STRN: variants seen among roughly 807,000 people sequenced by gnomAD.
The protein encoded by STRN is protein phosphatase 2 regulatory subunit B'''alpha.
In STRN, 53 loss-of-function variants were observed where a neutral mutation model predicts 96.3. That is an observed-to-expected ratio of 0.55 (90% CI 0.44 to 0.69). The LOEUF is 0.69. Ranked by LOEUF, STRN falls within the 30% of genes least tolerant of loss-of-function variation. The pLI, the probability that STRN is intolerant of heterozygous loss-of-function variation, is 0.00. For synonymous variants in STRN, 428 were observed against 355.9 expected (o/e 1.20, Z -2.28); for missense variants, 987 against 963.9 (o/e 1.02, Z -0.32).
chr2:36,842,250 C>CA lies in STRN; in HGVS notation c.*7205_*7206insT, dbSNP rs1277666865. 4.6e-5 allele frequency: 7 copies of CA among 152,076 alleles called. No individual in the cohort carries two copies. The highest frequency in any genetic ancestry group is 4.6e-4 in the Admixed American group (7 of 15,254). The allele number at this position is 152,076 out of a possible 1,614,324, so 9.4% of individuals were successfully genotyped here. A position where few individuals can be genotyped will look rare whatever the true frequency, so the allele number is the denominator to read the frequency against. Reference sequence around the variant, plus strand: ...ATTTAATTGTGGATGATGGGTTTCCCTACCATTACCCTTAATTTGATGCTA... The same window carrying CA: ...ATTTAATTGTGGATGATGGGTTTCCCATACCATTACCCTTAATTTGATGCTA... On this transcript the variant is annotated 3_prime_UTR_variant, in exon 18 of 18. Coordinates refer to ENST00000263918, the MANE Select transcript of STRN (RefSeq NM_003162.4).
intron 1 of STRN, among the ~76,000 whole-genome samples, chr2:36,935,421 A>G (rs1392399132): frequency 6.6e-6 from 1 of 152,352 alleles, no homozygotes; most frequent in Non-Finnish European, 1.5e-5. Context: ...CATACTTAAT[A>G]TGTATCACGT....
intron 14 of STRN, among the ~76,000 whole-genome samples, chr2:36,857,168 C>G (rs1212765297): frequency 6.6e-6 from 1 of 151,296 alleles, no homozygotes; most frequent in African/African-American, 2.4e-5. Context: ...CTCTCGTGAT[C>G]CTCCTGCCTC....
chr2:36,884,530 A>T (rs1228040724), intron 8 of STRN, among the ~76,000 whole-genome samples: 1 of 152,162 alleles, frequency 6.6e-6, no homozygotes, highest in Non-Finnish European at 1.5e-5. Context: ...CTAAACTTTG[A>T]TTCTTCATTC....
chr2:36,893,878 G>C lies in STRN; in HGVS notation c.931+20C>G, dbSNP rs747767932. On this transcript the variant is annotated intron_variant, in intron 7 of 17. Coordinates refer to ENST00000263918, the MANE Select transcript of STRN (RefSeq NM_003162.4). ...TTTATTTACTTAACATCTCTGGTTG[G>C]ATCCAGTATGCTTCCTTACCCCAGT... 19 of 1,582,776 alleles carry C rather than the reference G, an allele frequency of 1.2e-5. No homozygotes were observed. Among genetic ancestry groups the C allele is most frequent in the Non-Finnish European group, 1.6e-5 (19 of 1,170,740 alleles).
intron 13 of STRN, 26 bp downstream of exon 13, chr2:36,861,106 C>T: frequency 1.2e-6 from 2 of 1,609,480 alleles, no homozygotes; most frequent in South Asian, 2.2e-5. Context: ...AATTTTATTC[C>T]TTCAGATCTT....
chr2:36,914,070 A>T (rs140560781), intron 3 of STRN, among the ~76,000 whole-genome samples: 206 of 152,152 alleles, frequency 1.4e-3, no homozygotes, highest in African/African-American at 4.6e-3. Flanking sequence ...CTATAACCTA[A>T]CCTCAAACTC....
intron 2 of STRN, among the ~76,000 whole-genome samples, chr2:36,921,025 A>G (rs924492638): frequency 1.5e-4 from 23 of 151,854 alleles, no homozygotes; most frequent in African/African-American, 2.7e-4. Context: ...CAGTGAGCCG[A>G]TATCACACCA....
At chr2:36,949,708 G>T (rs555734962) in intron 1 of STRN, among the ~76,000 whole-genome samples, 2 of 152,296 alleles carry the variant, frequency 1.3e-5, no homozygotes, top group Admixed American at 6.5e-5. Flanking sequence ...TAAACTGGGG[G>T]CTAGATCTGA....
chr2:36,922,221 T>C (rs1670277890), intron 2 of STRN, among the ~76,000 whole-genome samples: 1 of 152,142 alleles, frequency 6.6e-6, no homozygotes, highest in African/African-American at 2.4e-5. Flanking sequence ...GAGGTCATTT[T>C]AGATAAAATT....
chr2:36,895,276 A>C (rs967530066), intron 6 of STRN, among the ~76,000 whole-genome samples: 2 of 151,648 alleles, frequency 1.3e-5, no homozygotes, highest in Admixed American at 6.6e-5. Context: ...GCAGTGAGCC[A>C]AGATCGCGCC....
At chr2:36,893,067 G>GAA (rs918512445) in intron 7 of STRN, among the ~76,000 whole-genome samples, 1 of 142,134 alleles carries the variant, frequency 7.0e-6, no homozygotes, top group Non-Finnish European at 1.5e-5. Flanking sequence ...GACTCGGTAT[G>GAA]AAAAAAAAAA....
intron 2 of STRN, among the ~76,000 whole-genome samples, chr2:36,921,106 T>TC (rs1274862215): frequency 4.0e-5 from 6 of 151,562 alleles, no homozygotes; most frequent in Non-Finnish European, 7.4e-5. Flanking sequence ...TATAAGCAAC[T>TC]CCATCTCTCC....
chr2:36,945,842 A>C (rs1670969231), intron 1 of STRN, among the ~76,000 whole-genome samples: 1 of 152,198 alleles, frequency 6.6e-6, no homozygotes, highest in South Asian at 2.1e-4. Context: ...AACATCTACT[A>C]GTTTTAACAT....
intron 10 of STRN, among the ~76,000 whole-genome samples, chr2:36,872,674 A>G (rs1015476194): frequency 6.6e-6 from 1 of 152,218 alleles, no homozygotes; most frequent in African/African-American, 2.4e-5. Context: ...AAAGCTATGA[A>G]AAAAGAATGA....
At chr2:36,867,643 C>T (rs1336911376) in intron 12 of STRN, 171 bp downstream of exon 12, 5 of 408,878 alleles carry the variant, frequency 1.2e-5, no homozygotes, top group East Asian at 7.4e-5. Flanking sequence ...CAAATCCCTA[C>T]TTGGCAATGA....
At chr2:36,903,864 GATGTT>G (rs1669751256) in intron 4 of STRN, among the ~76,000 whole-genome samples, 1 of 152,118 alleles carries the variant, frequency 6.6e-6, no homozygotes, top group African/African-American at 2.4e-5. Flanking sequence ...CGGCTTTAAA[GATGTT>G]ATATTTTTCC....
chr2:36,872,044 A>G (rs1668774732), intron 10 of STRN, among the ~76,000 whole-genome samples: 1 of 152,196 alleles, frequency 6.6e-6, no homozygotes, highest in African/African-American at 2.4e-5. Flanking sequence ...TTTCATGTGA[A>G]AGAGCAATCA....
At chr2:36,912,449 G>C (rs1426468668) in intron 3 of STRN, among the ~76,000 whole-genome samples, 2 of 152,154 alleles carry the variant, frequency 1.3e-5, no homozygotes, top group Admixed American at 1.3e-4. Context: ...AGCCCTCTGA[G>C]AATTAACCAG....
Position 36,886,813 on chromosome 2 carries a change from C to A in STRN, c.945G>T (p.Gln315His), listed in dbSNP as rs1256684598. 1 of 1,612,562 alleles carries A rather than the reference C, an allele frequency of 6.2e-7. No homozygotes were observed. ...CATTCCAGGCTTCAGGCATGAGACA[C>A]TGGTCTTCCTTTTCTAAACAGAGTG... ...GDGTDWEKED[Q>H]CLMPEAWNVD... The change falls in exon 8 of 18, where the codon CAG becomes CAT. Residue 315 changes from glutamine (Q) to histidine (H), a missense_variant. Gln to His is a conservative substitution (Grantham distance 24). Transcript: ENST00000263918.
Sources: gnomAD v4.1 joint callset for allele counts (sites outside exome capture counted in the v4.1 genomes callset) on GRCh38, gnomAD v4.1.1 for gene constraint, MANE v1.5 for transcripts, NCBI Gene and HGNC (gene_info 2026-07-23, HGNC 2026-07-21) for gene names.